Variants in STPG2 observed in about 807,000 individuals in gnomAD.
STPG2 encodes sperm tail PG-rich repeat containing 2, also known as sperm-tail PG-rich repeat-containing protein 2.
STPG2 carries 56 observed loss-of-function variants against 54.2 expected under a neutral mutation model. The observed-to-expected ratio is 1.03, with a 90% confidence interval of 0.83 to 1.29. The LOEUF is 1.29. Ranked by LOEUF, STPG2 falls within the 50% of genes most tolerant of loss-of-function variation. The pLI is 0.00. For missense variants in STPG2, 596 were observed against 544.9 expected (o/e 1.09, Z -0.93); for synonymous variants, 200 against 181.8 (o/e 1.10, Z -0.81).
intron 4 of STPG2, among the ~76,000 whole-genome samples, chr4:97,492,701 T>G (rs1388762562): frequency 6.6e-6 from 1 of 151,194 alleles, no homozygotes; most frequent in Non-Finnish European, 1.5e-5. Flanking sequence ...ATTTTATATT[T>G]TATTATATTT....
intron 10 of STPG2, among the ~76,000 whole-genome samples, chr4:97,650,297 T>G (rs1008551008): frequency 3.3e-5 from 5 of 152,052 alleles, no homozygotes; most frequent in African/African-American, 1.2e-4. Flanking sequence ...GAAGACCAAA[T>G]AGATGTCGAT....
rs564296581 is a variant in STPG2, at chr4:97,733,163, A to G, written c.1205-20349T>C. On this transcript the variant is annotated intron_variant, in intron 9 of 10. Transcript: ENST00000295268. ...GTATATTTATAGCCACATAATTCACAGTTGCAAAGATGTGGAACCAATGTT... is the reference window on the plus strand; with the variant it reads ...GTATATTTATAGCCACATAATTCACGGTTGCAAAGATGTGGAACCAATGTT... 1.2e-4 allele frequency among the ~76,000 whole-genome samples: 18 copies of G among 152,338 alleles called. No homozygotes were observed. In the East Asian group the frequency reaches 3.5e-3, roughly 29 times the overall value.
intron 7 of STPG2, among the ~76,000 whole-genome samples, chr4:97,950,384 T>A (rs1260473769): frequency 1.3e-5 from 2 of 152,168 alleles, no homozygotes; most frequent in Non-Finnish European, 2.9e-5. Context: ...TGTTCTAGCC[T>A]ATTGTTAAAA....
chr4:98,107,250 T>C (rs1045369742), intron 4 of STPG2, among the ~76,000 whole-genome samples: 1 of 152,052 alleles, frequency 6.6e-6, no homozygotes, highest in African/African-American at 2.4e-5. Flanking sequence ...ACTTTTATAC[T>C]GAATCAAGCC....
intron 4 of STPG2, among the ~76,000 whole-genome samples, chr4:97,500,081 G>A (rs1334986075): frequency 6.6e-6 from 1 of 151,962 alleles, no homozygotes; most frequent in Non-Finnish European, 1.5e-5. Flanking sequence ...AATAGGAGGG[G>A]CAAGAACAGA....
intron 4 of STPG2, among the ~76,000 whole-genome samples, chr4:97,528,091 C>A (rs756031518): frequency 6.6e-6 from 1 of 152,018 alleles, no homozygotes; most frequent in Non-Finnish European, 1.5e-5. Context: ...CATCCTGAAT[C>A]ATATTCCCTA....
intron 5 of STPG2, among the ~76,000 whole-genome samples, chr4:98,036,099 A>G: frequency 6.6e-6 from 1 of 152,164 alleles, no homozygotes; most frequent in Non-Finnish European, 1.5e-5. Context: ...TATAATAAAA[A>G]TAAATAAATT....
intron 10 of STPG2, among the ~76,000 whole-genome samples, chr4:97,670,336 C>CA (rs1722661339): frequency 6.6e-6 from 1 of 151,962 alleles, no homozygotes; most frequent in South Asian, 2.1e-4. Flanking sequence ...CTAGCAGTTC[C>CA]AAAAAGATTC....
chr4:97,922,216 T>A (rs997906665), intron 8 of STPG2, among the ~76,000 whole-genome samples: 1 of 152,164 alleles, frequency 6.6e-6, no homozygotes, highest in African/African-American at 2.4e-5. Context: ...TTTTATTACA[T>A]CATTTTACAG....
At chr4:97,469,843 T>C (rs1270460624) in intron 4 of STPG2, among the ~76,000 whole-genome samples, 1 of 151,904 alleles carries the variant, frequency 6.6e-6, no homozygotes, top group Non-Finnish European at 1.5e-5. Flanking sequence ...GGAACATGTG[T>C]GCCAAAAAAA....
chr4:97,701,729 T>C (rs1398707824), intron 10 of STPG2, among the ~76,000 whole-genome samples: 2 of 152,312 alleles, frequency 1.3e-5, no homozygotes, highest in African/African-American at 4.8e-5. Context: ...TTCCTGTCAA[T>C]TTCACTTCTA....
At chr4:98,010,420 G>T (rs1560633842) in intron 5 of STPG2, among the ~76,000 whole-genome samples, 1 of 151,838 alleles carries the variant, frequency 6.6e-6, no homozygotes, top group South Asian at 2.1e-4. Flanking sequence ...TGTCTGTTTT[G>T]CCTGATATAA....
intron 4 of STPG2, among the ~76,000 whole-genome samples, chr4:97,479,168 G>A (rs1730156001): frequency 6.6e-6 from 1 of 151,668 alleles, no homozygotes; most frequent in South Asian, 2.1e-4. Flanking sequence ...AAACACTTAG[G>A]CATAGATAAT....
intron 5 of STPG2, among the ~76,000 whole-genome samples, chr4:97,994,744 T>C (rs1735148789): frequency 6.6e-6 from 1 of 152,082 alleles, no homozygotes; most frequent in African/African-American, 2.4e-5. Flanking sequence ...TTGATTGTAT[T>C]TTTGTTAAGT....
chr4:97,800,243 A>G (rs1727342321), intron 9 of STPG2, among the ~76,000 whole-genome samples: 1 of 152,126 alleles, frequency 6.6e-6, no homozygotes, highest in African/African-American at 2.4e-5. Flanking sequence ...GTTCCTTTGG[A>G]GGAGGAGAGG....
chr4:97,514,871 C>G (rs906995477), intron 4 of STPG2, among the ~76,000 whole-genome samples: 2 of 151,918 alleles, frequency 1.3e-5, no homozygotes, highest in African/African-American at 4.8e-5. Flanking sequence ...CTGGGGGTAC[C>G]AATTGGTATA....
Position 97,694,812 on chromosome 4 carries a change from C to CAAAAAAAA in STPG2, c.1320+17879_1320+17886dup, listed in dbSNP as rs70953083. ...TGGGTTACAGAGCAAGACTCTGTCA[C>CAAAAAAAA]AAAAAAAAAAAAAAAAAAAAAAAAA... On this transcript the variant is annotated intron_variant, in intron 10 of 10. Transcript: ENST00000295268. Among the ~76,000 whole-genome samples, 28 of 44,044 alleles carry CAAAAAAAA rather than the reference C, an allele frequency of 6.4e-4. 1 individual carries two copies. The highest frequency in any genetic ancestry group is 9.8e-4 in the Non-Finnish European group (23 of 23,456). The allele number at this position is 44,044 out of a possible 152,430, so 28.9% of individuals were successfully genotyped here. A position where few individuals can be genotyped will look rare whatever the true frequency, so the allele number is the denominator to read the frequency against.
intron 4 of STPG2, among the ~76,000 whole-genome samples, chr4:97,468,111 GA>G (rs2148813077): frequency 6.6e-6 from 1 of 152,026 alleles, no homozygotes; most frequent in East Asian, 1.9e-4. Context: ...AAAAGTAAAA[GA>G]AAAGCTTCTA....
At chr4:97,990,387 T>C (rs912615412) in intron 5 of STPG2, among the ~76,000 whole-genome samples, 1 of 152,092 alleles carries the variant, frequency 6.6e-6, no homozygotes, top group Non-Finnish European at 1.5e-5. Flanking sequence ...CTTATGACAT[T>C]ATAAAGAAGG....
Sources: gnomAD v4.1 joint callset for allele counts (sites outside exome capture counted in the v4.1 genomes callset) on GRCh38, gnomAD v4.1.1 for gene constraint, MANE v1.5 for transcripts, NCBI Gene and HGNC (gene_info 2026-07-23, HGNC 2026-07-21) for gene names.